Variants in PRPF4 observed in about 807,000 individuals in gnomAD.
PRPF4 encodes the protein U4/U6 small nuclear ribonucleoprotein Prp4.
PRPF4 carries 14 observed loss-of-function variants against 72.2 expected under a neutral mutation model. The ratio of observed to expected loss-of-function variants is 0.19; its 90% CI spans 0.13 to 0.30. PRPF4 has a LOEUF of 0.30. Ranked by LOEUF, PRPF4 falls within the 10% of genes least tolerant of loss-of-function variation. The pLI is 1.00. For synonymous variants in PRPF4, 225 were observed against 232.2 expected (o/e 0.97, Z 0.28); for missense variants, 478 against 653.9 (o/e 0.73, Z 2.93).
At chr9:113,278,909 A>G (rs1168071936) in intron 2 of PRPF4, 36 bp from the exon 3 acceptor site, 2 of 1,599,730 alleles carry the variant, frequency 1.3e-6, no homozygotes, top group Non-Finnish European at 1.7e-6. Flanking sequence ...CTATTTGAAG[A>G]AGATCTGCTG....
chr9:113,279,232 A>G (rs2118595099), intron 3 of PRPF4, 101 bp downstream of exon 3: 1 of 1,086,966 alleles, frequency 9.2e-7, no homozygotes, highest in Non-Finnish European at 1.3e-6. Context: ...GAATGTCTCA[A>G]ATCATGTTAA....
At chr9:113,284,543 G>C (rs1832379175) in intron 7 of PRPF4, among the ~76,000 whole-genome samples, 154 bp downstream of exon 7, 1 of 152,142 alleles carries the variant, frequency 6.6e-6, no homozygotes, top group Non-Finnish European at 1.5e-5. Flanking sequence ...TCTACCTGTT[G>C]TATAATACAA....
At chr9:113,277,707 A>T (rs1426691382) in intron 2 of PRPF4, among the ~76,000 whole-genome samples, 1 of 151,800 alleles carries the variant, frequency 6.6e-6, no homozygotes, top group African/African-American at 2.4e-5. Context: ...TTTTATTATA[A>T]AAGTAATAGT....
intron 1 of PRPF4, 74 bp from the exon 2 acceptor site, chr9:113,276,474 G>A (rs1014419855): frequency 6.6e-7 from 1 of 1,516,602 alleles, no homozygotes; most frequent in Non-Finnish European, 9.2e-7. Flanking sequence ...CTCAGGGTGA[G>A]CTTCATCCTC....
intron 10 of PRPF4, 63 bp downstream of exon 10, chr9:113,288,327 C>T: frequency 6.8e-7 from 1 of 1,465,472 alleles, no homozygotes; most frequent in Non-Finnish European, 9.4e-7. Context: ...CCCTTTATGG[C>T]TATCTGCCAG....
intron 10 of PRPF4, among the ~76,000 whole-genome samples, chr9:113,289,052 C>T (rs2118641249): frequency 6.6e-6 from 1 of 152,310 alleles, no homozygotes; most frequent in East Asian, 1.9e-4. Flanking sequence ...CAGCCAACTC[C>T]CCCTTCTAAA....
Position 113,291,032 on chromosome 9 carries a change from A to T in PRPF4, c.1372+16A>T, listed in dbSNP as rs549432398. ...AAGTTTGAGCGTAAGCTTTCCTCCT[A>T]TTTTACGTCTAAATGACACAGACAA... On this transcript the variant is annotated intron_variant, in intron 13 of 13. Coordinates refer to ENST00000374198, the MANE Select transcript of PRPF4 (RefSeq NM_001244926.2). 6.3e-6 allele frequency: 10 copies of T among 1,596,868 alleles called. No homozygotes were observed. Among genetic ancestry groups the T allele is most frequent in the Non-Finnish European group, 8.6e-6 (10 of 1,164,394 alleles).
intron 3 of PRPF4, among the ~76,000 whole-genome samples, chr9:113,282,019 G>T (rs566779711): frequency 6.6e-6 from 1 of 152,158 alleles, no homozygotes; most frequent in African/African-American, 2.4e-5. Context: ...GTGAAAGTTG[G>T]CAGTCTTCAC....
chr9:113,290,246 G>C (rs529460830), intron 10 of PRPF4, among the ~76,000 whole-genome samples: 1 of 151,204 alleles, frequency 6.6e-6, no homozygotes, highest in Admixed American at 6.6e-5. Context: ...AAAAGCCCTA[G>C]AGGTTTACAG....
chr9:113,287,406 G>A (rs1292517676), intron 9 of PRPF4, among the ~76,000 whole-genome samples: 7 of 151,986 alleles, frequency 4.6e-5, no homozygotes, highest in South Asian at 2.1e-4. Flanking sequence ...ATGTCTCCTC[G>A]CAATAGCATC....
rs139273131 is a variant in PRPF4 at position 113,282,670 on chromosome 9, C to T, written c.417C>T (p.Val139=). 1.4e-4 allele frequency: 230 copies of T among 1,601,894 alleles called. 2 individuals are homozygous for T. In the Admixed American group the frequency reaches 2.1e-3, roughly 15 times the overall value. ...RERLRNILSV[V]GTDALKKTKK... Reference sequence around the variant, plus strand: ...GGTTAAGAAATATCCTCTCAGTTGTCGGTACTGATGCCTTGAAAAAGACCA... The same window carrying T: ...GGTTAAGAAATATCCTCTCAGTTGTTGGTACTGATGCCTTGAAAAAGACCA... Residue 139 remains valine, a synonymous_variant, in exon 4 of 14, where the codon GTC becomes GTT. Transcript: ENST00000374198.
Position 113,286,293 on chromosome 9 carries a change from A to G in PRPF4, c.808+3A>G. ...CAACCTCCTTCACACTCTTCGAGGTAAGTTAGAGTCTTATCCAAATCTCGG... is the reference window on the plus strand; with the variant it reads ...CAACCTCCTTCACACTCTTCGAGGTGAGTTAGAGTCTTATCCAAATCTCGG... On this transcript the variant is annotated splice_donor_region_variant and intron_variant, in intron 8 of 13. Transcript: ENST00000374198. The G allele has an allele frequency of 1.9e-6, 3 of 1,608,018 alleles. No individual in the cohort carries two copies. Among genetic ancestry groups the G allele is most frequent in the East Asian group, 2.2e-5 (1 of 44,856 alleles).
Position 113,275,696 on chromosome 9 carries a change from A to T in PRPF4, c.-48A>T, listed in dbSNP as rs1173986829. 4 of 1,600,200 alleles carry T rather than the reference A, an allele frequency of 2.5e-6. No individual in the cohort carries two copies. On this transcript the variant is annotated 5_prime_UTR_variant, in exon 1 of 14. Transcript: ENST00000374198. The stretch of plus-strand genomic sequence containing the variant: ...GCTGGGCGCGCGGTGGACGGTCTGA[A>T]AGGGAGTGTTCGGGTTTCGCTGGGG...
intron 2 of PRPF4, among the ~76,000 whole-genome samples, chr9:113,277,999 C>A (rs1359479197): frequency 1.3e-5 from 2 of 152,076 alleles, no homozygotes; most frequent in Admixed American, 6.5e-5. Context: ...AAGTTATTTT[C>A]TTTTAAAAGA....
chr9:113,280,242 C>T (rs1832236877), intron 3 of PRPF4, among the ~76,000 whole-genome samples: 1 of 152,146 alleles, frequency 6.6e-6, no homozygotes, highest in South Asian at 2.1e-4. Context: ...CCTCTTCTCT[C>T]ACTAGCTAAT....
intron 10 of PRPF4, among the ~76,000 whole-genome samples, chr9:113,289,464 T>A (rs1832544678): frequency 6.6e-6 from 1 of 152,226 alleles, no homozygotes; most frequent in Non-Finnish European, 1.5e-5. Context: ...TTACTTCACA[T>A]CCCTGTTAAC....
chr9:113,287,491 A>G (rs1320881354), intron 9 of PRPF4, among the ~76,000 whole-genome samples: 1 of 152,230 alleles, frequency 6.6e-6, no homozygotes, highest in Non-Finnish European at 1.5e-5. Flanking sequence ...TTCCAAAAAA[A>G]AAAAAACTTC....
At chr9:113,285,238 C>A (rs985868640) in intron 7 of PRPF4, among the ~76,000 whole-genome samples, 13 of 151,148 alleles carry the variant, frequency 8.6e-5, no homozygotes, top group Admixed American at 6.6e-4. Flanking sequence ...CATGGTGGCT[C>A]ACACTTGTAA....
Position 113,282,625 on chromosome 9 carries a change from CTTTTTT to C in PRPF4, c.393-11_393-6del. On this transcript the variant is annotated splice_polypyrimidine_tract_variant and intron_variant, in intron 3 of 13. Coordinates refer to ENST00000374198, the MANE Select transcript of PRPF4 (RefSeq NM_001244926.2). ...ATCTCAACCATGTTTAAATTCTGAT[CTTTTTT>C]TTTTTTTTTAACAGGTTAAGAAATA... The C allele has an allele frequency of 8.0e-7, 1 of 1,257,040 alleles. No homozygotes were observed. The highest frequency in any genetic ancestry group is 1.1e-6 in the Non-Finnish European group (1 of 901,784). 77.9% of individuals were successfully genotyped at this position (1,257,040 alleles called of 1,614,324 possible). A position where few individuals can be genotyped will look rare whatever the true frequency, so the allele number is the denominator to read the frequency against.
Sources: gnomAD v4.1 joint callset for allele counts (sites outside exome capture counted in the v4.1 genomes callset) on GRCh38, gnomAD v4.1.1 for gene constraint, MANE v1.5 for transcripts, NCBI Gene and HGNC (gene_info 2026-07-23, HGNC 2026-07-21) for gene names.